RBM12: variants seen among roughly 807,000 people sequenced by gnomAD.
RBM12 encodes the protein RNA-binding protein 12.
Under a neutral mutation model 37.2 loss-of-function variants are expected in RBM12, and 24 were observed. That is an observed-to-expected ratio of 0.65 (90% CI 0.47 to 0.91). The LOEUF is 0.91. RBM12 is among the 40% of genes least tolerant of loss of function. RBM12 has a pLI of 0.00. For missense variants in RBM12, 1,061 were observed against 1,183.2 expected (o/e 0.90, Z 1.52); for synonymous variants, 420 against 425.2 (o/e 0.99, Z 0.15).
rs1046178986 is a variant in RBM12 at position 35,652,264 on chromosome 20, G to A, written c.*260C>T. The A allele has an allele frequency of 5.1e-5, 18 of 350,756 alleles. No individual in the cohort carries two copies. Among genetic ancestry groups the A allele is most frequent in the Non-Finnish European group, 8.3e-5 (16 of 193,322 alleles). 21.7% of individuals were successfully genotyped at this position (350,756 alleles called of 1,614,324 possible). ...TGATAAGCTTTATGTGGTCATTTGA[G>A]TTTTACAAATGGTTTCTCTAATGGT... On this transcript the variant is annotated 3_prime_UTR_variant, in exon 3 of 3. Coordinates refer to ENST00000374114, the MANE Select transcript of RBM12 (RefSeq NM_006047.6).
chr20:35,658,833 ACACAC>A (rs2034063989), intron 2 of RBM12, 92 bp downstream of exon 2: 4 of 645,228 alleles, frequency 6.2e-6, no homozygotes, highest in Non-Finnish European at 1.1e-5. Context: ...ACACACACAC[ACACAC>A]AATATAGTTG....
chr20:35,651,764 T>G lies in RBM12; in HGVS notation c.*760A>C, dbSNP rs1210208444. On this transcript the variant is annotated 3_prime_UTR_variant, in exon 3 of 3. Transcript: ENST00000374114. ...ATCGTGGCGGTCAAACCAAAAAGGC[T>G]CTGGTAGATAAAGGACTCCATAGTT... 1 of 152,612 alleles carries G rather than the reference T, an allele frequency of 6.6e-6. No homozygotes were observed. The highest frequency in any genetic ancestry group is 1.5e-5 in the Non-Finnish European group (1 of 68,032). The allele number at this position is 152,612 out of a possible 1,614,324, so 9.5% of individuals were successfully genotyped here.
rs149544355 is a variant in RBM12 at position 35,654,763 on chromosome 20, G to A, written c.560C>T (p.Pro187Leu). The part of the protein sequence containing the change: ...STASPMNTVP[P>L]PPIPPIPAMP... ...CGCTGGAATTGGAGGAATTGGTGGC[G>A]GCGGGACTGTGTTCATTGGAGAGGC... The change falls in exon 3 of 3, where the codon CCG becomes CTG. Residue 187 changes from proline to leucine, a missense_variant. Around this residue, in one of 3 missense-constraint regions of RBM12, gnomAD observed 540 missense variants for 632.7 expected, o/e 0.85. Transcript: ENST00000374114. 1.6e-5 allele frequency: 26 copies of A among 1,613,778 alleles called. No homozygotes were observed. The highest frequency in any genetic ancestry group is 2.2e-5 in the East Asian group (1 of 44,894).
At position 35,653,737 on chromosome 20, in the gene RBM12, C is replaced by T; in HGVS notation, c.1586G>A (p.Arg529Lys). The T allele has an allele frequency of 6.2e-7, 1 of 1,614,142 alleles. No individual in the cohort carries two copies. The highest frequency in any genetic ancestry group is 8.5e-7 in the Non-Finnish European group (1 of 1,180,034). Residue 529 changes from arginine (R) to lysine (K), a missense_variant, in exon 3 of 3, where the codon AGG becomes AAG. Coordinates refer to ENST00000374114, the MANE Select transcript of RBM12 (RefSeq NM_006047.6). Reference sequence around the variant, plus strand: ...CCCCTCTGGATTTAGTATCATTTCCCTCTGGTCATAGCTGAAGTTCTGCAG... The same window carrying T: ...CCCCTCTGGATTTAGTATCATTTCCTTCTGGTCATAGCTGAAGTTCTGCAG... ...KRLQNFSYDQ[R>K]EMILNPEGDV...
rs533052776 is a variant in RBM12 at position 35,656,217 on chromosome 20, G to A, written c.-22-873C>T. Reference sequence around the variant, plus strand: ...TATTATTTTCCCCTAGGAGAGGGCTGACAATAAAAATATTTTTTGTTTTTG... The same window carrying A: ...TATTATTTTCCCCTAGGAGAGGGCTAACAATAAAAATATTTTTTGTTTTTG... On this transcript the variant is annotated intron_variant, in intron 2 of 2. Transcript: ENST00000374114. Among the ~76,000 whole-genome samples the A allele has an allele frequency of 3.3e-5, 5 of 152,264 alleles. No individual in the cohort carries two copies. In the South Asian group the frequency reaches 1.0e-3, roughly 32 times the overall value.
At position 35,654,603 on chromosome 20, in the gene RBM12, G is replaced by C; in HGVS notation, c.720C>G (p.Pro240=). The C allele has an allele frequency of 6.2e-7, 1 of 1,614,188 alleles. No homozygotes were observed. The highest frequency in any genetic ancestry group is 8.5e-7 in the Non-Finnish European group (1 of 1,180,018). ...PSVPPMTPLP[P]MSGMPPLNPP... ...GATTCAAGGGCGGCATGCCCGACAT[G>C]GGTGGCAGTGGGGTCATGGGTGGCA... The change falls in exon 3 of 3, where the codon CCC becomes CCG. Residue 240 remains proline (P), a synonymous_variant. Transcript: ENST00000374114.
At chr20:35,655,742 T>C (rs180997735) in intron 2 of RBM12, among the ~76,000 whole-genome samples, 4 of 150,166 alleles carry the variant, frequency 2.7e-5, no homozygotes, top group Admixed American at 2.6e-4. Context: ...ATATAGAAGT[T>C]AGTATTTAAA....
At chr20:35,655,735 T>C (rs546497932) in intron 2 of RBM12, among the ~76,000 whole-genome samples, 6 of 152,170 alleles carry the variant, frequency 3.9e-5, no homozygotes, top group Admixed American at 1.3e-4. Flanking sequence ...AAAGAATATA[T>C]AGAAGTTAGT....
At chr20:35,663,050 C>T (rs2034321983) in intron 1 of RBM12, among the ~76,000 whole-genome samples, 1 of 152,180 alleles carries the variant, frequency 6.6e-6, no homozygotes, top group South Asian at 2.1e-4. Flanking sequence ...AGCACATCTT[C>T]ATTGTTTTGT....
rs748148743 is a variant in RBM12, at chr20:35,653,599, T to C, written c.1724A>G (p.His575Arg). 4 of 1,614,092 alleles carry C rather than the reference T, an allele frequency of 2.5e-6. No individual in the cohort carries two copies. The highest frequency in any genetic ancestry group is 1.3e-5 in the African/African-American group (1 of 74,934). Reference sequence around the variant, plus strand: ...TTGCCCATTGTTATCAACAAGAACATGTACAGCATTTTCATCCACTGGGAT... The same window carrying C: ...TTGCCCATTGTTATCAACAAGAACACGTACAGCATTTTCATCCACTGGGAT... ...EGIPVDENAV[H>R]VLVDNNGQGL... The change falls in exon 3 of 3, where the codon CAT becomes CGT. Residue 575 changes from histidine to arginine, a missense_variant. Physicochemically the swap from His to Arg is conservative, Grantham distance 29. Coordinates refer to ENST00000374114, the MANE Select transcript of RBM12 (RefSeq NM_006047.6).
intron 2 of RBM12, among the ~76,000 whole-genome samples, chr20:35,656,313 C>G (rs1216576314): frequency 6.6e-6 from 1 of 152,194 alleles, no homozygotes; most frequent in Non-Finnish European, 1.5e-5. Context: ...TACAGGATCT[C>G]TGTGATCTCC....
chr20:35,653,080 C>T lies in RBM12; in HGVS notation c.2243G>A (p.Gly748Asp). Reference protein sequence around the residue: ...PPPGLGGGAFGDARPGMPSVG... With the variant: ...PPPGLGGGAFDDARPGMPSVG... ...TGAAGGCATACCAGGCCTAGCATCA[C>T]CAAAGGCCCCGCCTCCTAATCCTGG... Residue 748 changes from glycine (G) to aspartate (D), a missense_variant, in exon 3 of 3, where the codon GGT (glycine) becomes GAT (aspartate). This residue lies in a region of RBM12 where 517 missense variants were observed against 534.0 expected (regional missense o/e 0.97). Coordinates refer to ENST00000374114, the MANE Select transcript of RBM12 (RefSeq NM_006047.6). 1 of 1,613,894 alleles carries T rather than the reference C, an allele frequency of 6.2e-7. No homozygotes were observed. The highest frequency in any genetic ancestry group is 8.5e-7 in the Non-Finnish European group (1 of 1,180,030).
intron 1 of RBM12, among the ~76,000 whole-genome samples, chr20:35,662,867 C>G (rs1245376055): frequency 6.6e-6 from 1 of 152,166 alleles, no homozygotes; most frequent in Non-Finnish European, 1.5e-5. Context: ...CAATACGTTG[C>G]AAGTAACCAC....
In RBM12 at chr20:35,655,123, G is replaced by T; in HGVS notation, c.200C>A (p.Ser67Ter). Residue 67 changes from serine to a stop codon, truncating the protein, a stop_gained, in exon 3 of 3, where the codon TCA (serine) becomes TAA (stop). Coordinates refer to ENST00000374114, the MANE Select transcript of RBM12 (RefSeq NM_006047.6). LOFTEE classifies it high-confidence loss of function. Reference protein sequence around the residue: ...MMRTGGTIKGSKVTLLLSSKT... With the variant: ...MMRTGGTIKG ...ACTACTCAACAATAGTGTTACTTTT[G>T]ACCCTTTAATTGTACCACCTGTGCG... is the stretch of plus-strand genomic sequence containing the variant. 6.2e-7 allele frequency: 1 copy of T among 1,614,052 alleles called. No homozygotes were observed. Among genetic ancestry groups the T allele is most frequent in the South Asian group, 1.1e-5 (1 of 91,054 alleles).
In RBM12 at chr20:35,654,540, G is replaced by A; in HGVS notation, c.783C>T (p.Gly261=). The A allele has an allele frequency of 6.2e-7, 1 of 1,614,208 alleles. No individual in the cohort carries two copies. Among genetic ancestry groups the A allele is most frequent in the African/African-American group, 1.3e-5 (1 of 75,040 alleles). The change falls in exon 3 of 3, where the codon GGC becomes GGT. Residue 261 remains glycine (G), a synonymous_variant. Transcript: ENST00000374114. The stretch of plus-strand genomic sequence containing the variant: ...TGTTCAAATTCATAGGTGCTCCAGA[G>A]CCATTCATTCCAGCAGGTAGAGGTG... ...PVAPLPAGMN[G]SGAPMNLNNN...
rs138866871 is a variant in RBM12 at position 35,653,597 on chromosome 20, C to T, written c.1726G>A (p.Val576Ile). 3 of 1,614,060 alleles carry T rather than the reference C, an allele frequency of 1.9e-6. No individual in the cohort carries two copies. Among genetic ancestry groups the T allele is most frequent in the African/African-American group, 2.7e-5 (2 of 74,922 alleles). ...CCTTGCCCATTGTTATCAACAAGAACATGTACAGCATTTTCATCCACTGGG... is the reference window on the plus strand; with the variant it reads ...CCTTGCCCATTGTTATCAACAAGAATATGTACAGCATTTTCATCCACTGGG... ...GIPVDENAVH[V>I]LVDNNGQGLG... Residue 576 changes from valine to isoleucine, a missense_variant, in exon 3 of 3, where the codon GTT (valine) becomes ATT (isoleucine). By Grantham distance (29) the Val-to-Ile change is conservative (BLOSUM62 3). Transcript: ENST00000374114.
At chr20:35,658,483 C>A (rs1190470113) in intron 2 of RBM12, among the ~76,000 whole-genome samples, 1 of 152,074 alleles carries the variant, frequency 6.6e-6, no homozygotes, top group African/African-American at 2.4e-5. Context: ...CCACACCGGC[C>A]TGGGTGGCGG....
At position 35,651,126 on chromosome 20, in the gene RBM12, ATT is replaced by A. The variant is rs1231218552; in HGVS notation, c.*1396_*1397del. The A allele has an allele frequency of 2.0e-5, 3 of 152,128 alleles. No individual in the cohort carries two copies. Among genetic ancestry groups the A allele is most frequent in the Admixed American group, 1.3e-4 (2 of 15,262 alleles). The allele number at this position is 152,128 out of a possible 1,614,324, so 9.4% of individuals were successfully genotyped here. A position where few individuals can be genotyped will look rare whatever the true frequency, so the allele number is the denominator to read the frequency against. On this transcript the variant is annotated 3_prime_UTR_variant, in exon 3 of 3. Transcript: ENST00000374114. ...TAGAGCCTTTTATGACAGTGAGAAA[ATT>A]TGTTTTTCATATCATCTCACCTATC...
intron 1 of RBM12, among the ~76,000 whole-genome samples, chr20:35,663,573 ATC>A (rs1478546700): frequency 7.2e-5 from 11 of 152,290 alleles, no homozygotes; most frequent in Non-Finnish European, 1.5e-4. Context: ...ATATTAGGTT[ATC>A]TCTGAGAATC....
Sources: gnomAD v4.1 joint callset for allele counts (sites outside exome capture counted in the v4.1 genomes callset) on GRCh38, gnomAD v4.1.1 for gene constraint, gnomAD v4.1.1 regional missense constraint, MANE v1.5 for transcripts, NCBI Gene and HGNC (gene_info 2026-07-23, HGNC 2026-07-21) for gene names.